Variants in SH3PXD2A observed in about 807,000 individuals in gnomAD.
The protein encoded by SH3PXD2A is SH3 and PX domain-containing protein 2A.
Under a neutral mutation model 115.2 loss-of-function variants are expected in SH3PXD2A, and 32 were observed. That is an observed-to-expected ratio of 0.28 (90% CI 0.21 to 0.37). The LOEUF (loss-of-function observed/expected upper bound fraction) is 0.37, where lower values mean the gene tolerates loss of function less well. Among genes scored for constraint, SH3PXD2A ranks in the 10% least tolerant of loss-of-function variants. The pLI, the probability that SH3PXD2A is intolerant of heterozygous loss-of-function variation, is 1.00. For missense variants in SH3PXD2A, 1,328 were observed against 1,498.7 expected, an observed-to-expected ratio of 0.89 and a Z score of 1.88; for synonymous variants, 610 against 629.1, an observed-to-expected ratio of 0.97 and a Z score of 0.45.
chr10:103,725,304 A>C (rs2038227646), intron 4 of SH3PXD2A, among the ~76,000 whole-genome samples: 1 of 152,152 alleles, frequency 6.6e-6, no homozygotes, highest in Non-Finnish European at 1.5e-5. Context: ...TTTTAGGCCA[A>C]GCTGAGGATG....
At chr10:103,692,402 G>A (rs2037764857) in intron 6 of SH3PXD2A, among the ~76,000 whole-genome samples, 1 of 152,136 alleles carries the variant, frequency 6.6e-6, no homozygotes, top group African/African-American at 2.4e-5. Context: ...AGGGGGTTGG[G>A]GGGGTCGGGT....
intron 6 of SH3PXD2A, among the ~76,000 whole-genome samples, chr10:103,689,392 C>T (rs2037719571): frequency 6.6e-6 from 1 of 152,180 alleles, no homozygotes; most frequent in African/African-American, 2.4e-5. Context: ...CAGCCAGGCA[C>T]AGTAGCTCAC....
intron 2 of SH3PXD2A, among the ~76,000 whole-genome samples, chr10:103,771,738 AACACACACACAC>A (rs3068820): frequency 1.7e-3 from 242 of 143,098 alleles, no homozygotes; most frequent in Middle Eastern, 3.6e-3. Flanking sequence ...CCGTCAAAAC[AACACACACACAC>A]ACACACACAC....
intron 4 of SH3PXD2A, among the ~76,000 whole-genome samples, chr10:103,734,466 T>C (rs1371415378): frequency 6.6e-6 from 1 of 152,220 alleles, no homozygotes; most frequent in East Asian, 1.9e-4. Context: ...GTTAAAAATA[T>C]GGCTGGGTGC....
At chr10:103,675,893 G>A (rs1008257902) in intron 6 of SH3PXD2A, among the ~76,000 whole-genome samples, 2 of 152,144 alleles carry the variant, frequency 1.3e-5, no homozygotes, top group African/African-American at 4.8e-5. Context: ...TATAAAATTA[G>A]CCAGGCATAG....
chr10:103,660,510 G>A (rs899432826), intron 8 of SH3PXD2A, among the ~76,000 whole-genome samples: 2 of 152,124 alleles, frequency 1.3e-5, no homozygotes, highest in African/African-American at 2.4e-5. Context: ...AACGCCCGCA[G>A]GCCTGGCCCT....
intron 4 of SH3PXD2A, among the ~76,000 whole-genome samples, chr10:103,731,520 C>T (rs2038319536): frequency 6.6e-6 from 1 of 152,118 alleles, no homozygotes; most frequent in Non-Finnish European, 1.5e-5. Flanking sequence ...CTAGAAACTC[C>T]TTCTCCTGGG....
At chr10:103,671,672 C>T (rs1015741495) in intron 6 of SH3PXD2A, among the ~76,000 whole-genome samples, 3 of 152,190 alleles carry the variant, frequency 2.0e-5, no homozygotes, top group African/African-American at 4.8e-5. Flanking sequence ...GGCTCACAAA[C>T]CCTGGCCCTC....
At position 103,603,283 on chromosome 10, in the gene SH3PXD2A, TG is replaced by T; in HGVS notation, c.1934del (p.Pro645GlnfsTer8). The stretch of plus-strand genomic sequence containing the variant: ...TGGTCAGGGACAGCGAGGAGCTGCC[TG>T]GGGAGTCGCTGTCCCCGGAGGAGCC... ...ARGSSGDSDSPGSSSLSLTRK... is the reference protein window; with the variant it reads ...ARGSSGDSDSXGSSSLSLTRK... On this transcript the variant is annotated frameshift_variant, in exon 15 of 15. Coordinates refer to ENST00000369774, the MANE Select transcript of SH3PXD2A (RefSeq NM_001394015.1). LOFTEE classifies it high-confidence loss of function. 6.2e-7 allele frequency: 1 copy of T among 1,613,540 alleles called. No individual in the cohort carries two copies. The highest frequency in any genetic ancestry group is 8.5e-7 in the Non-Finnish European group (1 of 1,179,984).
At chr10:103,740,120 GCA>G (rs2038428269) in intron 3 of SH3PXD2A, among the ~76,000 whole-genome samples, 1 of 152,210 alleles carries the variant, frequency 6.6e-6, no homozygotes, top group South Asian at 2.1e-4. Flanking sequence ...CACACCTGGT[GCA>G]CACTAAGAGC....
intron 5 of SH3PXD2A, among the ~76,000 whole-genome samples, chr10:103,708,876 C>T (rs1218089033): frequency 6.6e-6 from 1 of 152,002 alleles, no homozygotes. Flanking sequence ...AATGCATGTC[C>T]CCCATCCACT....
At chr10:103,752,922 A>G (rs553939440) in intron 3 of SH3PXD2A, among the ~76,000 whole-genome samples, 27 of 152,322 alleles carry the variant, frequency 1.8e-4, no homozygotes, top group Admixed American at 1.3e-3. Flanking sequence ...TTGATAGATT[A>G]AGTGAAAGGT....
At chr10:103,685,046 A>G (rs539884197) in intron 6 of SH3PXD2A, among the ~76,000 whole-genome samples, 2 of 150,638 alleles carry the variant, frequency 1.3e-5, no homozygotes, top group African/African-American at 4.9e-5. Flanking sequence ...AAAAACAAAA[A>G]CAAAAAAAAG....
chr10:103,625,384 G>A (rs903494544), intron 9 of SH3PXD2A, among the ~76,000 whole-genome samples: 7 of 152,238 alleles, frequency 4.6e-5, no homozygotes, highest in African/African-American at 1.7e-4. Flanking sequence ...GAGGTGTGTG[G>A]CACAGCAGAA....
At chr10:103,649,752 C>T (rs1405919067) in intron 8 of SH3PXD2A, among the ~76,000 whole-genome samples, 5 of 152,174 alleles carry the variant, frequency 3.3e-5, no homozygotes, top group Non-Finnish European at 4.4e-5. Context: ...GTGAGAATGC[C>T]GCTTAAAAGT....
chr10:103,762,380 C>T (rs925240026), intron 3 of SH3PXD2A, among the ~76,000 whole-genome samples: 2 of 152,078 alleles, frequency 1.3e-5, no homozygotes, highest in East Asian at 1.9e-4. Flanking sequence ...ATGACAGAGG[C>T]GGATAAGGGC....
intron 6 of SH3PXD2A, among the ~76,000 whole-genome samples, chr10:103,687,530 GTC>G (rs2037694024): frequency 6.6e-6 from 1 of 152,104 alleles, no homozygotes; most frequent in African/African-American, 2.4e-5. Context: ...AATCATCAGA[GTC>G]TGTCCAACAC....
intron 9 of SH3PXD2A, among the ~76,000 whole-genome samples, chr10:103,626,798 G>T (rs1413105775): frequency 1.3e-5 from 2 of 150,700 alleles, no homozygotes; most frequent in Non-Finnish European, 3.0e-5. Flanking sequence ...ATAAGAAAAA[G>T]GGGGGTGGGT....
At chr10:103,750,331 G>A (rs2038561321) in intron 3 of SH3PXD2A, among the ~76,000 whole-genome samples, 1 of 152,186 alleles carries the variant, frequency 6.6e-6, no homozygotes, top group Admixed American at 6.5e-5. Context: ...GGGATTACAG[G>A]TATGAGCCAC....
Sources: allele counts gnomAD v4.1 joint callset (sites outside exome capture counted in the v4.1 genomes callset), GRCh38; gene constraint gnomAD v4.1.1; transcripts MANE v1.5; gene names NCBI Gene and HGNC (gene_info 2026-07-23, HGNC 2026-07-21).